Variants in IDO1 observed in about 807,000 individuals in gnomAD.
The protein encoded by IDO1 is indoleamine 2,3-dioxygenase 1.
Under a neutral mutation model 38.8 loss-of-function variants are expected in IDO1, and 35 were observed. That is an observed-to-expected ratio of 0.90 (90% CI 0.69 to 1.20). The LOEUF (loss-of-function observed/expected upper bound fraction) is 1.20, where lower values mean the gene tolerates loss of function less well. Ranked by LOEUF, IDO1 falls within the 50% of genes most tolerant of loss-of-function variation. The pLI, the probability that IDO1 is intolerant of heterozygous loss-of-function variation, is 0.00. For missense variants in IDO1, 509 were observed against 485.1 expected, an observed-to-expected ratio of 1.05 and a Z score of -0.46; for synonymous variants, 171 against 170.0, an observed-to-expected ratio of 1.01 and a Z score of -0.05.
In IDO1 at chr8:39,920,109, T is replaced by C; in HGVS notation, c.432T>C (p.Thr144=). The C allele has an allele frequency of 6.2e-7, 1 of 1,609,900 alleles. No homozygotes were observed. The highest frequency in any genetic ancestry group is 8.5e-7 in the Non-Finnish European group (1 of 1,177,770). ...WKKKDPNKPL[T]YENMDVLFSF... ...TGGCTGCTTTCATAAGGCCCCTGAC[T>C]TATGAGTAAGTATCTGATTCTTGTT... Residue 144 remains threonine (T), a synonymous_variant, in exon 5 of 10, where the codon ACT becomes ACC. Transcript: ENST00000518237.
intron 4 of IDO1, among the ~76,000 whole-genome samples, chr8:39,919,388 TGATGA>T (rs1261685867): frequency 6.6e-6 from 1 of 152,184 alleles, no homozygotes; most frequent in African/African-American, 2.4e-5. Context: ...TGGCTTCTTT[TGATGA>T]GCATGTCTTT....
At chr8:39,918,445 A>C in intron 3 of IDO1, 1 of 524,640 alleles carries the variant, frequency 1.9e-6, no homozygotes, top group South Asian at 2.6e-5. Context: ...TAATTACATA[A>C]AACTAATACA....
intron 1 of IDO1, among the ~76,000 whole-genome samples, chr8:39,916,799 T>C (rs531184383): frequency 3.9e-5 from 6 of 152,320 alleles, no homozygotes; most frequent in Admixed American, 1.3e-4. Flanking sequence ...CCAGAGCATA[T>C]TACTGATTAA....
Position 39,918,160 on chromosome 8 carries a change from A to T in IDO1, c.256A>T (p.Ile86Phe). Residue 86 changes from isoleucine (I) to phenylalanine (F), a missense_variant, in exon 3 of 10, where the codon ATC (isoleucine) becomes TTC (phenylalanine). Ile to Phe is a conservative substitution (Grantham distance 21, BLOSUM62 0). Transcript: ENST00000518237. ...QRLARLVLGC[I>F]TMAYVWGKGH... ...CCTTGCACGTCTAGTTCTGGGATGCATCACCATGGCATATGTGTGGGGCAA... is the reference window on the plus strand; with the variant it reads ...CCTTGCACGTCTAGTTCTGGGATGCTTCACCATGGCATATGTGTGGGGCAA... 1.2e-6 allele frequency: 2 copies of T among 1,613,974 alleles called. No individual in the cohort carries two copies. Among genetic ancestry groups the T allele is most frequent in the Non-Finnish European group, 1.7e-6 (2 of 1,179,850 alleles).
intron 8 of IDO1, 133 bp from the exon 9 acceptor site, chr8:39,925,090 G>A: frequency 1.3e-6 from 1 of 795,900 alleles, no homozygotes; most frequent in Non-Finnish European, 2.0e-6. Flanking sequence ...CAGGGGCAAG[G>A]GGGTATGAAA....
chr8:39,918,872 C>G lies in IDO1; in HGVS notation c.361C>G (p.Pro121Ala). ...CCAACTCTCCAAGAAACTGGAACTGCCTCCTATTTTGGTTTATGCAGACTG... is the reference window on the plus strand; with the variant it reads ...CCAACTCTCCAAGAAACTGGAACTGGCTCCTATTTTGGTTTATGCAGACTG... ...YCQLSKKLELPPILVYADCVL... is the reference protein window; with the variant it reads ...YCQLSKKLELAPILVYADCVL... The change falls in exon 4 of 10, where the codon CCT (proline) becomes GCT (alanine). Residue 121 changes from proline to alanine, a missense_variant. Pro to Ala is a conservative substitution (Grantham distance 27). Coordinates refer to ENST00000518237, the MANE Select transcript of IDO1 (RefSeq NM_002164.6). The G allele has an allele frequency of 6.2e-7, 1 of 1,613,496 alleles. No individual in the cohort carries two copies. The highest frequency in any genetic ancestry group is 8.5e-7 in the Non-Finnish European group (1 of 1,179,602).
Position 39,922,602 on chromosome 8 carries a change from T to A in IDO1, c.488T>A (p.Phe163Tyr), listed in dbSNP as rs764150078. The stretch of plus-strand genomic sequence containing the variant: ...CGTGATGGAGACTGCAGTAAAGGAT[T>A]CTTCCTGGTCTCTCTATTGGTGGAA... ...SFRDGDCSKG[F>Y]FLVSLLVEIA... The change falls in exon 6 of 10, where the codon TTC becomes TAC. Residue 163 changes from phenylalanine (F) to tyrosine (Y), a missense_variant. By Grantham distance (22) the Phe-to-Tyr change is conservative (BLOSUM62 3). Coordinates refer to ENST00000518237, the MANE Select transcript of IDO1 (RefSeq NM_002164.6). 2.5e-6 allele frequency: 4 copies of A among 1,613,798 alleles called. No homozygotes were observed. The South Asian group carries it at 3.3e-5, about 13-fold the overall frequency.
chr8:39,919,099 C>T, intron 4 of IDO1, 166 bp downstream of exon 4: 1 of 745,314 alleles, frequency 1.3e-6, no homozygotes, highest in South Asian at 1.4e-5. Flanking sequence ...CTGTGTCTAC[C>T]ACTACAAATG....
At chr8:39,914,380 G>A (rs1157354837) in intron 1 of IDO1, 3 of 162,204 alleles carry the variant, frequency 1.8e-5, no homozygotes, top group Non-Finnish European at 4.0e-5. Flanking sequence ...TGAGCCATGA[G>A]TCAAACAGAA....
chr8:39,923,000 A>G (rs1472802919), intron 6 of IDO1: 1 of 224,440 alleles, frequency 4.5e-6, no homozygotes, highest in East Asian at 1.1e-4. Flanking sequence ...ATTAAATGCT[A>G]TGTGAATAAA....
At chr8:39,918,757 A>AC in intron 3 of IDO1, 58 bp from the exon 4 acceptor site, 5 of 661,298 alleles carry the variant, frequency 7.6e-6, no homozygotes, top group Non-Finnish European at 1.3e-5. Context: ...AAAAAAAAAA[A>AC]AAAAAAAAAA....
chr8:39,922,555 C>A lies in IDO1; in HGVS notation c.441C>A (p.Asn147Lys). ...CTTCCTTATCCAATTTCCTCAGGAACATGGACGTTTTGTTCTCATTTCGTG... is the reference window on the plus strand; with the variant it reads ...CTTCCTTATCCAATTTCCTCAGGAAAATGGACGTTTTGTTCTCATTTCGTG... ...KDPNKPLTYE[N>K]MDVLFSFRDG... is the part of the protein sequence containing the mutation. Residue 147 changes from asparagine to lysine, a missense_variant, in exon 6 of 10, where the codon AAC becomes AAA. By Grantham distance (94) the Asn-to-Lys change is moderately conservative. Transcript: ENST00000518237. 1 of 1,607,436 alleles carries A rather than the reference C, an allele frequency of 6.2e-7. No homozygotes were observed. Among genetic ancestry groups the A allele is most frequent in the Non-Finnish European group, 8.5e-7 (1 of 1,173,984 alleles).
At chr8:39,920,871 G>C (rs999353838) in intron 5 of IDO1, 2 of 151,992 alleles carry the variant, frequency 1.3e-5, no homozygotes, top group Non-Finnish European at 2.9e-5. Context: ...AATATCATCA[G>C]TATAAACCCA....
intron 3 of IDO1, 63 bp from the exon 4 acceptor site, chr8:39,918,746 CAAAAAA>C (rs1214540367): frequency 7.1e-5 from 21 of 295,090 alleles, no homozygotes; most frequent in Admixed American, 1.9e-4. Context: ...GACTCCATCT[CAAAAAA>C]AAAAAAAAAA....
chr8:39,922,086 C>T (rs570517844), intron 5 of IDO1, among the ~76,000 whole-genome samples: 167 of 152,190 alleles, frequency 1.1e-3, no homozygotes, highest in African/African-American at 3.4e-3. Flanking sequence ...CTGCAACCTC[C>T]GCCTCCTGTG....
intron 5 of IDO1, among the ~76,000 whole-genome samples, 157 bp from the exon 6 acceptor site, chr8:39,922,395 G>T (rs1807287383): frequency 6.6e-6 from 1 of 152,088 alleles, no homozygotes; most frequent in South Asian, 2.1e-4. Context: ...GCCTAAAAAA[G>T]GAGTCTTAAT....
At chr8:39,919,832 C>G (rs1030918725) in intron 4 of IDO1, among the ~76,000 whole-genome samples, 9 of 151,914 alleles carry the variant, frequency 5.9e-5, no homozygotes, top group Admixed American at 3.9e-4. Flanking sequence ...AGAATGAGAC[C>G]CTGTCTCAAA....
intron 9 of IDO1, among the ~76,000 whole-genome samples, chr8:39,927,476 C>T (rs1361899948): frequency 6.6e-6 from 1 of 150,964 alleles, no homozygotes; most frequent in Non-Finnish European, 1.5e-5. Context: ...AGGAGAATTG[C>T]TTGAGCCCGG....
chr8:39,928,324 G>A lies in IDO1; in HGVS notation c.*139G>A. ...CAATACAAAAGACCTCAAAATACCT[G>A]TGCATTTCTTGTAGGAAAACAACAA... On this transcript the variant is annotated 3_prime_UTR_variant, in exon 10 of 10. Coordinates refer to ENST00000518237, the MANE Select transcript of IDO1 (RefSeq NM_002164.6). 1 of 585,400 alleles carries A rather than the reference G, an allele frequency of 1.7e-6. No individual in the cohort carries two copies. The highest frequency in any genetic ancestry group is 2.9e-6 in the Non-Finnish European group (1 of 341,458). The allele number at this position is 585,400 out of a possible 1,614,324, so 36.3% of individuals were successfully genotyped here. A position where few individuals can be genotyped will look rare whatever the true frequency, so the allele number is the denominator to read the frequency against.
Sources: gnomAD v4.1 joint callset for allele counts (sites outside exome capture counted in the v4.1 genomes callset) on GRCh38, gnomAD v4.1.1 for gene constraint, MANE v1.5 for transcripts, NCBI Gene and HGNC (gene_info 2026-07-23, HGNC 2026-07-21) for gene names.